FAM107B: variants seen among roughly 807,000 people sequenced by gnomAD.
FAM107B encodes the protein protein FAM107B.
A neutral mutation model predicts 31.5 loss-of-function variants in FAM107B; 21 were observed. That is an observed-to-expected ratio of 0.67 (90% CI 0.47 to 0.96). The LOEUF is 0.96. Among genes scored for constraint, FAM107B ranks in the 40% least tolerant of loss-of-function variants. The pLI, the probability that FAM107B is intolerant of heterozygous loss-of-function variation, is 0.00. For missense variants in FAM107B, 452 were observed against 377.1 expected, an observed-to-expected ratio of 1.20 and a Z score of -1.64; for synonymous variants, 157 against 141.5, an observed-to-expected ratio of 1.11 and a Z score of -0.78.
intron 1 of FAM107B, among the ~76,000 whole-genome samples, chr10:14,719,472 T>C (rs2131547655): frequency 6.6e-6 from 1 of 152,288 alleles, no homozygotes; most frequent in African/African-American, 2.4e-5. Flanking sequence ...AACATAAATA[T>C]TTTGCGGAGA....
intron 2 of FAM107B, among the ~76,000 whole-genome samples, chr10:14,622,290 T>G (rs1287653615): frequency 6.7e-6 from 1 of 149,882 alleles, no homozygotes; most frequent in Non-Finnish European, 1.5e-5. Flanking sequence ...GACAAGCACC[T>G]GGGAGCTAGT....
At chr10:14,590,530 C>G (rs1057044965) in intron 2 of FAM107B, among the ~76,000 whole-genome samples, 2 of 152,192 alleles carry the variant, frequency 1.3e-5, no homozygotes, top group African/African-American at 4.8e-5. Context: ...AGTATGTCAC[C>G]GTGCAGCCTG....
intron 2 of FAM107B, among the ~76,000 whole-genome samples, chr10:14,558,028 C>T (rs944414728): frequency 6.6e-6 from 1 of 152,232 alleles, no homozygotes; most frequent in Non-Finnish European, 1.5e-5. Context: ...GTCTTTTGAG[C>T]TCCTCCCCGT....
intron 2 of FAM107B, among the ~76,000 whole-genome samples, chr10:14,611,525 TA>T (rs1564599746): frequency 9.2e-4 from 108 of 116,864 alleles, no homozygotes; most frequent in African/African-American, 3.0e-3. Context: ...TATATATATA[TA>T]TATTCACCTA....
rs146672109 is a variant in FAM107B at position 14,651,559 on chromosome 10, G to A, written c.469+16075C>T. Among the ~76,000 whole-genome samples the A allele has an allele frequency of 7.8e-3, 1,182 of 152,212 alleles. 21 individuals are homozygous for A. Among genetic ancestry groups the A allele is most frequent in the African/African-American group, 0.027 (1,135 of 41,508 alleles). ...AGAGGTTGCAGTGAGCTGGGATCGC[G>A]CCATTGCACTCCAGCCTGTGCAACA... On this transcript the variant is annotated intron_variant, in intron 2 of 4. Coordinates refer to ENST00000181796, the MANE Select transcript of FAM107B (RefSeq NM_031453.4).
chr10:14,659,014 AC>A (rs1437805166), intron 2 of FAM107B, among the ~76,000 whole-genome samples: 1 of 152,192 alleles, frequency 6.6e-6, no homozygotes, highest in Non-Finnish European at 1.5e-5. Flanking sequence ...CTCACTGAAA[AC>A]AAAGACCCAA....
At chr10:14,634,877 G>A (rs965047909) in intron 2 of FAM107B, among the ~76,000 whole-genome samples, 1 of 152,048 alleles carries the variant, frequency 6.6e-6, no homozygotes, top group Non-Finnish European at 1.5e-5. Flanking sequence ...ATCACTTGTG[G>A]TCAGGAGTTT....
At chr10:14,635,895 G>A (rs939944414) in intron 2 of FAM107B, among the ~76,000 whole-genome samples, 8 of 152,016 alleles carry the variant, frequency 5.3e-5, no homozygotes, top group African/African-American at 9.7e-5. Context: ...GCCTCCCACC[G>A]CATTGAGATT....
At chr10:14,673,449 G>T (rs1854607530) in intron 1 of FAM107B, among the ~76,000 whole-genome samples, 1 of 152,134 alleles carries the variant, frequency 6.6e-6, no homozygotes. Flanking sequence ...CATCTATGTT[G>T]CTGCGAATGA....
intron 1 of FAM107B, among the ~76,000 whole-genome samples, chr10:14,753,299 C>T (rs1327554172): frequency 6.6e-6 from 1 of 152,170 alleles, no homozygotes; most frequent in East Asian, 1.9e-4. Context: ...TCCCAACAAC[C>T]CAAGCTCTGC....
intron 2 of FAM107B, among the ~76,000 whole-genome samples, chr10:14,558,271 A>G (rs1358292278): frequency 6.6e-6 from 1 of 152,052 alleles, no homozygotes; most frequent in African/African-American, 2.4e-5. Flanking sequence ...AGTCACACAT[A>G]CGTGCACGCA....
chr10:14,711,273 A>G (rs1855640058), intron 1 of FAM107B, among the ~76,000 whole-genome samples: 2 of 152,212 alleles, frequency 1.3e-5, no homozygotes, highest in Admixed American at 6.5e-5. Flanking sequence ...CTACAGTAGT[A>G]TGCAGTAATG....
chr10:14,601,733 C>G (rs551057854), intron 2 of FAM107B, among the ~76,000 whole-genome samples: 2 of 152,210 alleles, frequency 1.3e-5, no homozygotes, highest in Non-Finnish European at 2.9e-5. Flanking sequence ...AAAACACTTG[C>G]ACACAGAATT....
Position 14,771,223 on chromosome 10 carries a change from C to T in FAM107B, c.411+3030G>A, listed in dbSNP as rs182909211. Among the ~76,000 whole-genome samples the T allele has an allele frequency of 9.9e-5, 15 of 152,236 alleles. No individual in the cohort carries two copies. In the East Asian group the frequency reaches 2.1e-3, roughly 22 times the overall value. On this transcript the variant is annotated intron_variant, in intron 1 of 4. Transcript: ENST00000181796. The stretch of plus-strand genomic sequence containing the variant: ...TCAAAGCAATCCCCCACACTGCCAG[C>T]GGCAAAGCTTTGTCACTCACAGGAT...
chr10:14,728,693 C>G (rs1655492702), intron 1 of FAM107B, among the ~76,000 whole-genome samples: 1 of 152,186 alleles, frequency 6.6e-6, no homozygotes, highest in South Asian at 2.1e-4. Flanking sequence ...ACACGTGCTT[C>G]CAGTGTCCAG....
chr10:14,654,552 A>G (rs967026761), intron 2 of FAM107B, among the ~76,000 whole-genome samples: 4 of 152,216 alleles, frequency 2.6e-5, no homozygotes, highest in Non-Finnish European at 4.4e-5. Flanking sequence ...GTTTCGTTTA[A>G]GACTCTTAGC....
chr10:14,650,139 T>C (rs542392476), intron 2 of FAM107B, among the ~76,000 whole-genome samples: 8 of 152,136 alleles, frequency 5.3e-5, no homozygotes, highest in Admixed American at 3.3e-4. Flanking sequence ...GAGGTCTTCC[T>C]AGCAAAAGCA....
intron 1 of FAM107B, among the ~76,000 whole-genome samples, chr10:14,751,932 A>C (rs1310574997): frequency 6.6e-6 from 1 of 152,132 alleles, no homozygotes. Context: ...GGAAGGTGAG[A>C]AGTTTGCAAA....
intron 2 of FAM107B, among the ~76,000 whole-genome samples, chr10:14,615,988 A>G (rs951896019): frequency 3.3e-5 from 5 of 152,224 alleles, no homozygotes; most frequent in Non-Finnish European, 5.9e-5. Flanking sequence ...ATACTTCCCA[A>G]TTGTATAAAA....
Sources: allele counts gnomAD v4.1 joint callset (sites outside exome capture counted in the v4.1 genomes callset), GRCh38; gene constraint gnomAD v4.1.1; transcripts MANE v1.5; gene names NCBI Gene and HGNC (gene_info 2026-07-23, HGNC 2026-07-21).